The following GPR160 variants were observed in gnomAD, a reference collection of about 807,000 sequenced individuals.
GPR160 encodes the protein G protein-coupled receptor 160, also known as probable G protein-coupled receptor 160.
In GPR160, 2 loss-of-function variants were observed where a neutral mutation model predicts 2.6. The ratio of observed to expected loss-of-function variants is 0.77; its 90% CI spans 0.32 to 2.44. The LOEUF (loss-of-function observed/expected upper bound fraction) is 2.44, where lower values mean the gene tolerates loss of function less well. Among genes scored for constraint, GPR160 ranks in the 30% most tolerant of loss-of-function variants. The pLI is 0.11. For synonymous variants in GPR160, 130 were observed against 132.2 expected (o/e 0.98, Z 0.12); for missense variants, 351 against 383.6 (o/e 0.91, Z 0.71).
Position 170,084,140 on chromosome 3 carries a change from A to G in GPR160, c.168A>G (p.Glu56=), listed in dbSNP as rs1713285113. 6.3e-7 allele frequency: 1 copy of G among 1,591,916 alleles called. No homozygotes were observed. Among genetic ancestry groups the G allele is most frequent in the Non-Finnish European group, 8.6e-7 (1 of 1,169,482 alleles). Residue 56 remains glutamate, a synonymous_variant, in exon 4 of 4, where the codon GAA becomes GAG. Transcript: ENST00000355897. ...RRKNTCQNFM[E]YFCISLAFVD... ...AAAACACCTGTCAAAATTTTATGGA[A>G]TATTTTTGCATTTCACTAGCATTCG...
chr3:170,066,887 G>T (rs1712372288), intron 2 of GPR160, among the ~76,000 whole-genome samples: 1 of 152,190 alleles, frequency 6.6e-6, no homozygotes, highest in Non-Finnish European at 1.5e-5. Context: ...CAGATAAATA[G>T]GTTAAGATAC....
At chr3:170,071,695 C>G (rs1365990785) in intron 2 of GPR160, among the ~76,000 whole-genome samples, 1 of 152,096 alleles carries the variant, frequency 6.6e-6, no homozygotes, top group Non-Finnish European at 1.5e-5. Context: ...ACTCGGGAGG[C>G]TGAGGTAGGA....
Position 170,083,901 on chromosome 3 carries a change from G to T in GPR160, c.-68-4G>T. 5 of 816,148 alleles carry T rather than the reference G, an allele frequency of 6.1e-6. No homozygotes were observed. The highest frequency in any genetic ancestry group is 9.0e-6 in the Non-Finnish European group (5 of 554,442). 50.6% of individuals were successfully genotyped at this position (816,148 alleles called of 1,614,324 possible). A position where few individuals can be genotyped will look rare whatever the true frequency, so the allele number is the denominator to read the frequency against. ...TTAAGGTTTTCTTTTCACTTTTTTT[G>T]CAGGGACAGAAAATGAAGCAGTGTT... On this transcript the variant is annotated splice_polypyrimidine_tract_variant and splice_region_variant and intron_variant, in intron 3 of 3. Transcript: ENST00000355897.
rs1230867276 is a variant in GPR160, at chr3:170,084,429, T to A, written c.457T>A (p.Tyr153Asn). ...VILIWISVLA[Y>N]VLGDPAIYQS... The stretch of plus-strand genomic sequence containing the variant: ...TTTAATTTGGATTTCAGTCCTTGCT[T>A]ATGTTTTGGGAGACCCAGCCATCTA... The change falls in exon 4 of 4, where the codon TAT (tyrosine) becomes AAT (asparagine). Residue 153 changes from tyrosine (Y) to asparagine (N), a missense_variant. By Grantham distance (143) the Tyr-to-Asn change is moderately radical. Transcript: ENST00000355897. The A allele has an allele frequency of 1.9e-6, 3 of 1,610,880 alleles. No individual in the cohort carries two copies. Among genetic ancestry groups the A allele is most frequent in the Admixed American group, 1.7e-5 (1 of 59,984 alleles).
intron 3 of GPR160, among the ~76,000 whole-genome samples, chr3:170,082,591 CTTTCTTGT>C: frequency 6.6e-6 from 1 of 151,370 alleles, no homozygotes; most frequent in African/African-American, 2.5e-5. Flanking sequence ...TGTTTCGTTT[CTTTCTTGT>C]TTTTTTCTTT....
At chr3:170,076,233 G>T (rs1234815577) in intron 2 of GPR160, among the ~76,000 whole-genome samples, 1 of 152,072 alleles carries the variant, frequency 6.6e-6, no homozygotes, top group Non-Finnish European at 1.5e-5. Context: ...TTTGTATCAT[G>T]TAAATTATAT....
chr3:170,052,225 C>A (rs1251111053), intron 2 of GPR160, among the ~76,000 whole-genome samples: 1 of 152,206 alleles, frequency 6.6e-6, no homozygotes, highest in South Asian at 2.1e-4. Flanking sequence ...TGCACTTGGC[C>A]GACCTGTTTT....
chr3:170,052,071 GCACGC>G (rs1716978923), intron 2 of GPR160, among the ~76,000 whole-genome samples: 2 of 152,156 alleles, frequency 1.3e-5, no homozygotes, highest in African/African-American at 4.8e-5. Context: ...GATTACAGGT[GCACGC>G]CACCATGCTC....
chr3:170,079,185 G>C (rs1713009858), intron 2 of GPR160, among the ~76,000 whole-genome samples: 1 of 152,076 alleles, frequency 6.6e-6, no homozygotes, highest in Admixed American at 6.6e-5. Flanking sequence ...TCTCTTCTTC[G>C]GCCACTAGTG....
intron 2 of GPR160, among the ~76,000 whole-genome samples, chr3:170,060,554 G>A (rs1023265172): frequency 6.6e-6 from 1 of 152,078 alleles, no homozygotes; most frequent in Admixed American, 6.5e-5. Flanking sequence ...CTTGAGGCTA[G>A]GAGTTCAAGA....
chr3:170,046,912 C>A (rs1365446259), intron 2 of GPR160, among the ~76,000 whole-genome samples: 1 of 152,088 alleles, frequency 6.6e-6, no homozygotes, highest in Non-Finnish European at 1.5e-5. Flanking sequence ...ATTCTTTATG[C>A]CCTTAAGTAA....
chr3:170,080,302 G>A (rs754720637), intron 3 of GPR160, among the ~76,000 whole-genome samples: 7 of 152,170 alleles, frequency 4.6e-5, no homozygotes, highest in African/African-American at 1.4e-4. Context: ...AATTGGTGTC[G>A]TCTAAGAAAG....
rs1203573922 is a variant in GPR160 at position 170,055,784 on chromosome 3, G to T, written c.-193+16741G>T. Reference sequence around the variant, plus strand: ...TGAGTAGCTGGGACTGCAGGTGTCTGCCACAACGCCTGTCTAATTTTTTGT... The same window carrying T: ...TGAGTAGCTGGGACTGCAGGTGTCTTCCACAACGCCTGTCTAATTTTTTGT... On this transcript the variant is annotated intron_variant, in intron 2 of 3. Transcript: ENST00000355897. 2.7e-5 allele frequency among the ~76,000 whole-genome samples: 4 copies of T among 150,788 alleles called. No homozygotes were observed. In the East Asian group the frequency reaches 5.8e-4, roughly 22 times the overall value.
Position 170,084,123 on chromosome 3 carries a change from T to TGTCA in GPR160, c.152_155dup (p.Asn53SerfsTer15). On this transcript the variant is annotated frameshift_variant, in exon 4 of 4. Transcript: ENST00000355897. LOFTEE classifies it low-confidence loss of function (END_TRUNC). The stretch of plus-strand genomic sequence containing the variant: ...ACTAGGAATGAGAAGAAAAAACACC[T>TGTCA]GTCAAAATTTTATGGAATATTTTTG... 5 of 1,594,118 alleles carry TGTCA rather than the reference T, an allele frequency of 3.1e-6. No homozygotes were observed. The highest frequency in any genetic ancestry group is 4.3e-6 in the Non-Finnish European group (5 of 1,171,014).
At chr3:170,043,811 C>CT (rs1046932375) in intron 2 of GPR160, among the ~76,000 whole-genome samples, 1 of 152,016 alleles carries the variant, frequency 6.6e-6, no homozygotes, top group Non-Finnish European at 1.5e-5. Context: ...AAAAAAAACA[C>CT]TGAGTGAGCG....
At chr3:170,061,783 A>AAGT (rs1559986676) in intron 2 of GPR160, among the ~76,000 whole-genome samples, 1 of 152,042 alleles carries the variant, frequency 6.6e-6, no homozygotes, top group Non-Finnish European at 1.5e-5. Flanking sequence ...AATTATTGGC[A>AAGT]AGTCTCCATT....
intron 2 of GPR160, among the ~76,000 whole-genome samples, chr3:170,044,264 C>T (rs1009128171): frequency 1.4e-5 from 2 of 140,380 alleles, no homozygotes; most frequent in South Asian, 2.3e-4. Context: ...GCGGAGGTTG[C>T]GGTGAGCCGA....
intron 2 of GPR160, among the ~76,000 whole-genome samples, chr3:170,058,903 CA>C (rs1356057257): frequency 3.2e-4 from 49 of 152,062 alleles, no homozygotes; most frequent in African/African-American, 1.1e-3. Context: ...TAGCTATTAA[CA>C]AAGATGAAAT....
At chr3:170,070,371 C>T (rs955943831) in intron 2 of GPR160, among the ~76,000 whole-genome samples, 2 of 152,096 alleles carry the variant, frequency 1.3e-5, no homozygotes, top group Non-Finnish European at 2.9e-5. Flanking sequence ...CAGGTTTGGT[C>T]GGGTTCTAAT....
Sources: gnomAD v4.1 joint callset for allele counts (sites outside exome capture counted in the v4.1 genomes callset) on GRCh38, gnomAD v4.1.1 for gene constraint, MANE v1.5 for transcripts, NCBI Gene and HGNC (gene_info 2026-07-23, HGNC 2026-07-21) for gene names.